The following RSRC1 variants were observed in gnomAD, a reference collection of about 807,000 sequenced individuals.
The protein encoded by RSRC1 is arginine and serine rich coiled-coil 1.
RSRC1 carries 39 observed loss-of-function variants against 49.1 expected under a neutral mutation model. That is an observed-to-expected ratio of 0.79 (90% CI 0.61 to 1.04). RSRC1 has a LOEUF of 1.04. RSRC1 is among the 50% of genes least tolerant of loss of function. The pLI, the probability that RSRC1 is intolerant of heterozygous loss-of-function variation, is 0.00. For synonymous variants in RSRC1, 143 were observed against 130.8 expected, an observed-to-expected ratio of 1.09 and a Z score of -0.63; for missense variants, 388 against 402.4, an observed-to-expected ratio of 0.96 and a Z score of 0.31.
intron 6 of RSRC1, among the ~76,000 whole-genome samples, chr3:158,375,824 A>T (rs1436033081): frequency 6.6e-6 from 1 of 152,204 alleles, no homozygotes; most frequent in Non-Finnish European, 1.5e-5. Flanking sequence ...TAATTTATTT[A>T]AAAAACAATT....
rs770624777 is a variant in RSRC1, at chr3:158,133,745, C to T, written c.320+9754C>T. On this transcript the variant is annotated intron_variant, in intron 3 of 9. Transcript: ENST00000611884. ...TTTCCTAATTTGATCATATTAGATGCTGATGTGGAAGAAGCATTTCAAATA... is the reference window on the plus strand; with the variant it reads ...TTTCCTAATTTGATCATATTAGATGTTGATGTGGAAGAAGCATTTCAAATA... Among the ~76,000 whole-genome samples, 218 of 152,202 alleles carry T rather than the reference C, an allele frequency of 1.4e-3. 3 individuals carry two copies. Among genetic ancestry groups the T allele is most frequent in the Non-Finnish European group, 2.3e-3 (157 of 68,014 alleles).
At chr3:158,165,561 A>C (rs990702007) in intron 3 of RSRC1, among the ~76,000 whole-genome samples, 2 of 152,208 alleles carry the variant, frequency 1.3e-5, no homozygotes, top group Non-Finnish European at 2.9e-5. Context: ...TGGCGCCGTT[A>C]ATCAATTTTG....
intron 4 of RSRC1, among the ~76,000 whole-genome samples, chr3:158,245,460 A>C (rs1723837788): frequency 6.6e-6 from 1 of 152,136 alleles, no homozygotes; most frequent in African/African-American, 2.4e-5. Flanking sequence ...TTTTAGAGTA[A>C]ATGCTGTGTG....
chr3:158,519,949 A>T (rs1302959372), intron 7 of RSRC1, among the ~76,000 whole-genome samples: 1 of 152,144 alleles, frequency 6.6e-6, no homozygotes, highest in African/African-American at 2.4e-5. Context: ...ACCAGTGAGG[A>T]AAAGGAAAAC....
chr3:158,124,148 A>G (rs1357685007), intron 3 of RSRC1, among the ~76,000 whole-genome samples, 157 bp downstream of exon 3: 3 of 152,150 alleles, frequency 2.0e-5, no homozygotes, highest in Non-Finnish European at 4.4e-5. Context: ...GCAGTTAGTC[A>G]TCTGATAGCT....
Position 158,543,314 on chromosome 3 carries a change from AAT to A in RSRC1, c.760-18_760-17del, listed in dbSNP as rs1438091161. ...TCTAATTGTGTATTGTGTTGAAATTAATATGTGTTGTTTCTTTCAGTCAGTGG... is the reference window on the plus strand; with the variant it reads ...TCTAATTGTGTATTGTGTTGAAATTAATGTGTTGTTTCTTTCAGTCAGTGG... On this transcript the variant is annotated intron_variant, in intron 8 of 9. Transcript: ENST00000611884. 6.6e-7 allele frequency: 1 copy of A among 1,505,908 alleles called. No homozygotes were observed. The allele number at this position is 1,505,908 out of a possible 1,614,324, so 93.3% of individuals were successfully genotyped here.
intron 5 of RSRC1, among the ~76,000 whole-genome samples, chr3:158,312,989 T>C (rs56286928): frequency 0.077 from 11,677 of 152,206 alleles, 544 homozygotes; most frequent in South Asian, 0.13. Flanking sequence ...GGTTTATATC[T>C]TGACATGTTC....
chr3:158,457,242 A>C (rs1347057119), intron 6 of RSRC1, among the ~76,000 whole-genome samples: 1 of 152,210 alleles, frequency 6.6e-6, no homozygotes. Context: ...AATGGAAAGG[A>C]ATGAATGGAT....
chr3:158,503,874 C>T (rs962098914), intron 7 of RSRC1, among the ~76,000 whole-genome samples: 8 of 152,126 alleles, frequency 5.3e-5, no homozygotes, highest in East Asian at 3.9e-4. Flanking sequence ...TTGTGCCCTC[C>T]GCTGAGTTCT....
intron 5 of RSRC1, among the ~76,000 whole-genome samples, chr3:158,326,110 C>A (rs1729118010): frequency 2.6e-5 from 4 of 152,214 alleles, no homozygotes; most frequent in Admixed American, 2.6e-4. Context: ...AGTTGCTTAT[C>A]AGCTTAAGGA....
At chr3:158,440,019 G>A (rs1181872640) in intron 6 of RSRC1, among the ~76,000 whole-genome samples, 1 of 151,498 alleles carries the variant, frequency 6.6e-6, no homozygotes, top group African/African-American at 2.4e-5. Flanking sequence ...TAATGCATGC[G>A]GTGCTTAAAA....
intron 6 of RSRC1, among the ~76,000 whole-genome samples, chr3:158,415,835 T>C (rs951572598): frequency 1.3e-5 from 2 of 152,104 alleles, no homozygotes; most frequent in South Asian, 2.1e-4. Flanking sequence ...TACTCATTAA[T>C]AGCAATATTT....
At chr3:158,197,845 T>TG (rs1369979273) in intron 3 of RSRC1, among the ~76,000 whole-genome samples, 1 of 152,230 alleles carries the variant, frequency 6.6e-6, no homozygotes, top group Non-Finnish European at 1.5e-5. Flanking sequence ...GATTGCACTG[T>TG]GGTCTGAGAG....
intron 3 of RSRC1, among the ~76,000 whole-genome samples, chr3:158,183,187 T>C (rs1254266759): frequency 6.6e-6 from 1 of 152,104 alleles, no homozygotes; most frequent in African/African-American, 2.4e-5. Flanking sequence ...AAATTATCCA[T>C]AAGGAAAACT....
intron 7 of RSRC1, among the ~76,000 whole-genome samples, chr3:158,470,361 C>CACACACACATAT (rs756776025): frequency 1.2e-4 from 12 of 100,308 alleles, no homozygotes; most frequent in Non-Finnish European, 2.5e-4. Context: ...CACACACACA[C>CACACACACATAT]ATATATATAT....
At position 158,131,924 on chromosome 3, in the gene RSRC1, C is replaced by T. The variant is rs150796575; in HGVS notation, c.320+7933C>T. Among the ~76,000 whole-genome samples the T allele has an allele frequency of 1.1e-4, 16 of 151,978 alleles. No homozygotes were observed. In the East Asian group the frequency reaches 2.1e-3, roughly 20 times the overall value. On this transcript the variant is annotated intron_variant, in intron 3 of 9. Transcript: ENST00000611884. ...CTAGTAAAATAATATACTGAACGTA[C>T]GTTGCACACTGTAAAGGCCAGCATA...
intron 6 of RSRC1, 146 bp downstream of exon 6, chr3:158,355,054 T>G: frequency 3.9e-5 from 18 of 466,144 alleles, no homozygotes; most frequent in Non-Finnish European, 5.0e-5. Context: ...TGTATGGCCA[T>G]ATATTATCTG....
chr3:158,520,898 A>C (rs1206571959), intron 7 of RSRC1, among the ~76,000 whole-genome samples: 1 of 152,136 alleles, frequency 6.6e-6, no homozygotes, highest in Non-Finnish European at 1.5e-5. Flanking sequence ...TTTTATTCCC[A>C]TATTTTTTGC....
At chr3:158,435,722 A>G (rs538496698) in intron 6 of RSRC1, among the ~76,000 whole-genome samples, 1 of 151,882 alleles carries the variant, frequency 6.6e-6, no homozygotes, top group South Asian at 2.1e-4. Flanking sequence ...CTTTACGCTT[A>G]GAAAATTGTA....
Sources: allele counts gnomAD v4.1 joint callset (sites outside exome capture counted in the v4.1 genomes callset), GRCh38; gene constraint gnomAD v4.1.1; transcripts MANE v1.5; gene names NCBI Gene and HGNC (gene_info 2026-07-23, HGNC 2026-07-21).